Variants in ADAM12 observed in about 807,000 individuals in gnomAD.
ADAM12 encodes ADAM metallopeptidase domain 12.
ADAM12 carries 70 observed loss-of-function variants against 106.4 expected under a neutral mutation model. That is an observed-to-expected ratio of 0.66 (90% CI 0.54 to 0.80). The LOEUF is 0.80. ADAM12 is among the 30% of genes least tolerant of loss of function. The probability of loss-of-function intolerance (pLI) is 0.00; values close to 1 mark genes in which losing one functional copy is unlikely to be tolerated. For synonymous variants in ADAM12, 420 were observed against 433.5 expected, an observed-to-expected ratio of 0.97 and a Z score of 0.39; for missense variants, 1,010 against 1,171.9, an observed-to-expected ratio of 0.86 and a Z score of 2.02.
At chr10:126,169,146 C>T (rs1198941545) in intron 3 of ADAM12, among the ~76,000 whole-genome samples, 4 of 152,156 alleles carry the variant, frequency 2.6e-5, no homozygotes, top group Non-Finnish European at 5.9e-5. Context: ...GGCTCTGTGG[C>T]CTCCCTTTGG....
At chr10:126,264,199 C>A (rs564305290) in intron 3 of ADAM12, among the ~76,000 whole-genome samples, 1 of 152,340 alleles carries the variant, frequency 6.6e-6, no homozygotes, top group East Asian at 1.9e-4. Flanking sequence ...CAAGGAACTT[C>A]TGTGATGCTG....
At chr10:126,026,802 A>C (rs979226150) in intron 21 of ADAM12, among the ~76,000 whole-genome samples, 1 of 152,252 alleles carries the variant, frequency 6.6e-6, no homozygotes, top group Non-Finnish European at 1.5e-5. Flanking sequence ...CTAAATGCCC[A>C]CATCAAAAAG....
intron 11 of ADAM12, among the ~76,000 whole-genome samples, chr10:126,088,661 G>C (rs1955403935): frequency 6.6e-6 from 1 of 151,690 alleles, no homozygotes; most frequent in Admixed American, 6.6e-5. Context: ...AGTAAGCCGA[G>C]ACTGTGTCAC....
intron 1 of ADAM12, among the ~76,000 whole-genome samples, chr10:126,381,860 A>G (rs1856503937): frequency 1.3e-5 from 2 of 152,100 alleles, no homozygotes; most frequent in South Asian, 4.2e-4. Context: ...CTGGAGTCCC[A>G]GCTACTAGGG....
At chr10:126,331,595 C>T (rs1644776657) in intron 1 of ADAM12, among the ~76,000 whole-genome samples, 1 of 152,210 alleles carries the variant, frequency 6.6e-6, no homozygotes, top group Non-Finnish European at 1.5e-5. Flanking sequence ...GAGAAATTCT[C>T]AAGCTGGTCA....
intron 3 of ADAM12, among the ~76,000 whole-genome samples, chr10:126,156,878 C>T (rs1205277951): frequency 2.6e-5 from 4 of 152,238 alleles, no homozygotes; most frequent in Non-Finnish European, 5.9e-5. Context: ...AGGCTCTAAA[C>T]AGAACCTGGG....
chr10:126,037,791 A>G (rs188237597), intron 20 of ADAM12, among the ~76,000 whole-genome samples: 43 of 152,310 alleles, frequency 2.8e-4, no homozygotes, highest in Admixed American at 6.5e-4. Flanking sequence ...GTCAATTCTG[A>G]GAGCTCCATG....
At chr10:126,325,405 A>G (rs1156619947) in intron 2 of ADAM12, among the ~76,000 whole-genome samples, 1 of 152,222 alleles carries the variant, frequency 6.6e-6, no homozygotes, top group African/African-American at 2.4e-5. Flanking sequence ...CTGTGAAGGA[A>G]AGAATGGGGA....
At chr10:126,276,398 T>C (rs1406514892) in intron 3 of ADAM12, among the ~76,000 whole-genome samples, 2 of 152,232 alleles carry the variant, frequency 1.3e-5, no homozygotes, top group African/African-American at 4.8e-5. Flanking sequence ...ACTAAATGAT[T>C]GATTGCCTTT....
chr10:126,150,892 C>T (rs1260773175), intron 4 of ADAM12, among the ~76,000 whole-genome samples: 1 of 150,428 alleles, frequency 6.6e-6, no homozygotes, highest in Non-Finnish European at 1.5e-5. Context: ...TTCTTCTTTG[C>T]CCACTTTTAA....
rs1953611584 is a variant in ADAM12, at chr10:126,013,947, CTGG to C, written c.*3329_*3331del. Reference sequence around the variant, plus strand: ...TTCTGGGAGGGATTGTGACTTTCAGCTGGGTAACTGGTGTCTGGCTGAGGCCAT... The same window carrying C: ...TTCTGGGAGGGATTGTGACTTTCAGCGTAACTGGTGTCTGGCTGAGGCCAT... On this transcript the variant is annotated 3_prime_UTR_variant, in exon 23 of 23. Transcript: ENST00000448723. This position sits in a 1 kb window ranked among gnomAD's most constrained non-coding sequence, Gnocchi z 4.3. 1 of 152,546 alleles carries C rather than the reference CTGG, an allele frequency of 6.6e-6. No homozygotes were observed. Among genetic ancestry groups the C allele is most frequent in the African/African-American group, 2.4e-5 (1 of 41,448 alleles). 9.4% of individuals were successfully genotyped at this position (152,546 alleles called of 1,614,324 possible). A position where few individuals can be genotyped will look rare whatever the true frequency, so the allele number is the denominator to read the frequency against.
At chr10:126,135,839 T>C (rs1357704878) in intron 4 of ADAM12, among the ~76,000 whole-genome samples, 179 bp from the exon 5 acceptor site, 1 of 152,246 alleles carries the variant, frequency 6.6e-6, no homozygotes, top group Non-Finnish European at 1.5e-5. Flanking sequence ...GTCGGGAATA[T>C]CTGATTTACT....
intron 5 of ADAM12, among the ~76,000 whole-genome samples, chr10:126,127,620 G>A (rs938685189): frequency 5.3e-5 from 8 of 152,216 alleles, no homozygotes; most frequent in African/African-American, 1.2e-4. Flanking sequence ...CAGGCACCTC[G>A]TAGAATGAGG....
At chr10:126,121,119 A>AC (rs374650295) in intron 5 of ADAM12, among the ~76,000 whole-genome samples, 1 of 69,642 alleles carries the variant, frequency 1.4e-5, no homozygotes, top group Non-Finnish European at 2.5e-5. Context: ...TAGTATATAT[A>AC]TAGTATATAT....
intron 2 of ADAM12, among the ~76,000 whole-genome samples, chr10:126,287,827 T>C (rs1959944525): frequency 6.6e-6 from 1 of 151,788 alleles, no homozygotes; most frequent in African/African-American, 2.4e-5. Flanking sequence ...TCATTTGTGA[T>C]GATTTGTTGT....
At chr10:126,273,313 C>G (rs901025119) in intron 3 of ADAM12, 1 of 153,102 alleles carries the variant, frequency 6.5e-6, no homozygotes, top group African/African-American at 2.4e-5. Context: ...ACTTGTGACC[C>G]TGAAGGAGCC....
At chr10:126,091,930 AGGGTGGAT>A (rs1319976134) in intron 11 of ADAM12, among the ~76,000 whole-genome samples, 2 of 152,128 alleles carry the variant, frequency 1.3e-5, no homozygotes, top group Admixed American at 1.3e-4. Flanking sequence ...GGAGGAAGGA[AGGGTGGAT>A]GGGTGGATGG....
At chr10:126,253,623 C>T (rs192651667) in intron 3 of ADAM12, among the ~76,000 whole-genome samples, 44 of 151,802 alleles carry the variant, frequency 2.9e-4, no homozygotes, top group African/African-American at 9.7e-4. Context: ...GGAACACCCA[C>T]CCCCCAGAGA....
At position 126,066,885 on chromosome 10, in the gene ADAM12, G is replaced by A; in HGVS notation, c.1324-79C>T. 1.4e-6 allele frequency: 2 copies of A among 1,399,608 alleles called. No individual in the cohort carries two copies. The highest frequency in any genetic ancestry group is 2.0e-6 in the Non-Finnish European group (2 of 999,198). The allele number at this position is 1,399,608 out of a possible 1,614,324, so 86.7% of individuals were successfully genotyped here. On this transcript the variant is annotated intron_variant, in intron 12 of 22. Coordinates refer to ENST00000448723, the MANE Select transcript of ADAM12 (RefSeq NM_001288973.2). The surrounding 1 kb of genome is among the most constrained non-coding windows in gnomAD (Gnocchi z 5.1). Reference sequence around the variant, plus strand: ...TGAATGCAAACATCACACCTTAAATGGCTGCAAAAAGCAAGAAAGACCAAG... The same window carrying A: ...TGAATGCAAACATCACACCTTAAATAGCTGCAAAAAGCAAGAAAGACCAAG...
Sources: gnomAD v4.1 joint callset for allele counts (sites outside exome capture counted in the v4.1 genomes callset) on GRCh38, gnomAD v4.1.1 for gene constraint, Gnocchi (gnomAD v3.1) non-coding constraint, MANE v1.5 for transcripts, NCBI Gene and HGNC (gene_info 2026-07-23, HGNC 2026-07-21) for gene names.